WDR41: variants seen among roughly 807,000 people sequenced by gnomAD.
WDR41 encodes the protein WD repeat domain 41, also known as WD repeat-containing protein 41.
Under a neutral mutation model 69.3 loss-of-function variants are expected in WDR41, and 63 were observed. The ratio of observed to expected loss-of-function variants is 0.91; its 90% CI spans 0.74 to 1.12. The LOEUF (loss-of-function observed/expected upper bound fraction) is 1.12. Among genes scored for constraint, WDR41 ranks in the 50% most tolerant of loss-of-function variants. WDR41 has a pLI of 0.00. For missense variants in WDR41, 543 were observed against 534.5 expected (o/e 1.02, Z -0.16); for synonymous variants, 185 against 192.1 (o/e 0.96, Z 0.31).
intron 1 of WDR41, among the ~76,000 whole-genome samples, chr5:77,579,074 G>C (rs1743888726): frequency 6.6e-6 from 1 of 151,942 alleles, no homozygotes; most frequent in South Asian, 2.1e-4. Context: ...GAACTTGAAG[G>C]TAAATCAACT....
Position 77,489,556 on chromosome 5 carries a change from G to T in WDR41, c.68C>A (p.Thr23Lys), listed in dbSNP as rs368750765. The T allele has an allele frequency of 2.0e-6, 3 of 1,537,162 alleles. No homozygotes were observed. The highest frequency in any genetic ancestry group is 2.9e-5 in the African/African-American group (2 of 69,024). The part of the protein sequence containing the change: ...QGLAEKSPLQ[T>K]IGEEQTQNPY... Reference sequence around the variant, plus strand: ...ATTCTGGGTTTGTTCTTCACCTATTGTCTGTAAAGGAGATTTCTTGTATTG... The same window carrying T: ...ATTCTGGGTTTGTTCTTCACCTATTTTCTGTAAAGGAGATTTCTTGTATTG... Residue 23 changes from threonine (T) to lysine (K), a missense_variant, in exon 2 of 13, where the codon ACA becomes AAA. Coordinates refer to ENST00000296679, the MANE Select transcript of WDR41 (RefSeq NM_018268.4).
intron 1 of WDR41, among the ~76,000 whole-genome samples, chr5:77,576,773 T>C (rs1743843419): frequency 6.6e-6 from 1 of 152,156 alleles, no homozygotes; most frequent in Non-Finnish European, 1.5e-5. Flanking sequence ...CAACTATCTC[T>C]CCTCAAATGC....
At chr5:77,434,063 C>G (rs1033695656) in intron 12 of WDR41, among the ~76,000 whole-genome samples, 1 of 152,168 alleles carries the variant, frequency 6.6e-6, no homozygotes, top group Non-Finnish European at 1.5e-5. Context: ...GGCGTGGTGG[C>G]TCACACCTGT....
chr5:77,512,064 G>A (rs562316485), intron 1 of WDR41, among the ~76,000 whole-genome samples: 67 of 152,180 alleles, frequency 4.4e-4, no homozygotes, highest in Admixed American at 4.3e-3. Context: ...ACAATATTAT[G>A]TCTTTATCTA....
intron 1 of WDR41, among the ~76,000 whole-genome samples, chr5:77,511,040 A>G (rs1802189887): frequency 6.6e-6 from 1 of 152,142 alleles, no homozygotes; most frequent in African/African-American, 2.4e-5. Flanking sequence ...TACAGGTGTG[A>G]GCCACCACAC....
chr5:77,612,270 G>T (rs1384311131), intron 1 of WDR41, among the ~76,000 whole-genome samples: 2 of 152,258 alleles, frequency 1.3e-5, no homozygotes, highest in Middle Eastern at 3.4e-3. Flanking sequence ...GAAAAAGAGG[G>T]AATCCTTCCT....
intron 4 of WDR41, among the ~76,000 whole-genome samples, chr5:77,462,409 C>CAAAAAAA (rs10670808): frequency 9.8e-6 from 1 of 102,434 alleles, no homozygotes; most frequent in Admixed American, 1.1e-4. Flanking sequence ...AACTCCGTCT[C>CAAAAAAA]AAAAAAAAAA....
intron 2 of WDR41, among the ~76,000 whole-genome samples, chr5:77,469,840 T>C (rs531257210): frequency 1.8e-4 from 27 of 152,184 alleles, no homozygotes; most frequent in East Asian, 5.8e-4. Flanking sequence ...TGGAACCAAG[T>C]TGGAAAACAC....
chr5:77,452,918 T>C (rs932155692), intron 6 of WDR41: 8 of 152,306 alleles, frequency 5.3e-5, no homozygotes, highest in African/African-American at 1.7e-4. Flanking sequence ...CACAGGCTAG[T>C]GAAAGAGAGA....
chr5:77,444,989 T>A (rs1402945232), intron 8 of WDR41, among the ~76,000 whole-genome samples: 1 of 152,086 alleles, frequency 6.6e-6, no homozygotes, highest in Non-Finnish European at 1.5e-5. Flanking sequence ...AAAAAATCAA[T>A]GAATCCAGAA....
chr5:77,482,554 T>C (rs932488020), intron 2 of WDR41, among the ~76,000 whole-genome samples: 1 of 152,182 alleles, frequency 6.6e-6, no homozygotes, highest in Non-Finnish European at 1.5e-5. Context: ...CATGCACCTC[T>C]GTCCTCTGTA....
At chr5:77,445,999 T>C (rs1799365986) in intron 8 of WDR41, among the ~76,000 whole-genome samples, 1 of 152,164 alleles carries the variant, frequency 6.6e-6, no homozygotes, top group Non-Finnish European at 1.5e-5. Flanking sequence ...TGTTTGCAGA[T>C]GACATGATTG....
chr5:77,545,474 G>A lies in WDR41; in HGVS notation c.43-55902C>T, dbSNP rs148018982. The A allele has an allele frequency of 1.7e-4, 36 of 212,256 alleles. No homozygotes were observed. The South Asian group carries it at 2.3e-3, about 14-fold the overall frequency. The allele number at this position is 212,256 out of a possible 1,614,324, so 13.1% of individuals were successfully genotyped here. On this transcript the variant is annotated intron_variant, in intron 1 of 5. Transcript: ENST00000509971. ...GGGATGGGGAACCACAGTGGCTTCC[G>A]GGGAGGCTTCGGCAGTGGCATCCAG...
chr5:77,505,162 G>C (rs1802086450), intron 1 of WDR41, among the ~76,000 whole-genome samples: 1 of 152,188 alleles, frequency 6.6e-6, no homozygotes, highest in Admixed American at 6.5e-5. Flanking sequence ...AAGCTGATAA[G>C]CAACTTCAGC....
intron 1 of WDR41, among the ~76,000 whole-genome samples, chr5:77,583,560 T>A (rs1351418477): frequency 2.0e-5 from 3 of 151,850 alleles, no homozygotes; most frequent in Non-Finnish European, 4.4e-5. Context: ...CATGTCTGTA[T>A]CAAAATATTA....
intron 1 of WDR41, among the ~76,000 whole-genome samples, chr5:77,570,857 C>T (rs569961482): frequency 4.0e-5 from 6 of 151,720 alleles, no homozygotes; most frequent in African/African-American, 1.4e-4. Flanking sequence ...ATCTAGTAAG[C>T]AATGAAAGAA....
intron 1 of WDR41, among the ~76,000 whole-genome samples, chr5:77,615,267 A>C (rs1180817134): frequency 7.9e-5 from 12 of 152,234 alleles, no homozygotes; most frequent in Non-Finnish European, 1.5e-5. Flanking sequence ...ATAGTCAAAT[A>C]AATTTGGTTA....
chr5:77,441,111 G>A, intron 8 of WDR41, 114 bp from the exon 9 acceptor site: 8 of 1,100,882 alleles, frequency 7.3e-6, no homozygotes, highest in Non-Finnish European at 9.8e-6. Context: ...AGAACAGTGA[G>A]GTACCTAGGC....
At chr5:77,495,980 ATG>A (rs975525357), upstream of WDR41, among the ~76,000 whole-genome samples, 1 of 152,102 alleles carries the variant, frequency 6.6e-6, no homozygotes, top group African/African-American at 2.4e-5. Context: ...AAATCAACCA[ATG>A]TAATACATCA....
Sources: gnomAD v4.1 joint callset for allele counts (sites outside exome capture counted in the v4.1 genomes callset) on GRCh38, gnomAD v4.1.1 for gene constraint, MANE v1.5 for transcripts, NCBI Gene and HGNC (gene_info 2026-07-23, HGNC 2026-07-21) for gene names.